TMEM45A: variants seen among roughly 807,000 people sequenced by gnomAD.
TMEM45A encodes DNA polymerase-transactivated protein 4.
A neutral mutation model predicts 32.0 loss-of-function variants in TMEM45A; 25 were observed. The observed-to-expected ratio is 0.78, with a 90% CI of 0.57 to 1.09. The LOEUF (loss-of-function observed/expected upper bound fraction) is 1.09. Ranked by LOEUF, TMEM45A falls within the 50% of genes least tolerant of loss-of-function variation. The probability of loss-of-function intolerance (pLI) is 0.00; values close to 1 mark genes in which losing one functional copy is unlikely to be tolerated. For synonymous variants in TMEM45A, 122 were observed against 114.8 expected (o/e 1.06, Z -0.40); for missense variants, 302 against 325.0 (o/e 0.93, Z 0.54).
chr3:100,501,998 A>G (rs989610616), intron 1 of TMEM45A, among the ~76,000 whole-genome samples: 2 of 152,194 alleles, frequency 1.3e-5, no homozygotes, highest in African/African-American at 4.8e-5. Context: ...GAATTTCTGA[A>G]CTTCAGACAA....
intron 2 of TMEM45A, 65 bp from the exon 3 acceptor site, chr3:100,556,695 C>T: frequency 1.4e-6 from 2 of 1,415,934 alleles, no homozygotes; most frequent in Non-Finnish European, 2.0e-6. Flanking sequence ...TGGACTAGTC[C>T]TCCTGCATCT....
rs138823452 is a variant in TMEM45A, at chr3:100,521,499, C to T, written c.-4+28571C>T. Among the ~76,000 whole-genome samples, 1,182 of 152,256 alleles carry T rather than the reference C, an allele frequency of 7.8e-3. 19 individuals are homozygous for T. Among genetic ancestry groups the T allele is most frequent in the African/African-American group, 0.027 (1,121 of 41,544 alleles). Reference sequence around the variant, plus strand: ...AGTTCCCGACCTCAGGTGATCTGCCCGCCTGGGCCTTCCAACGTGCTGGGA... The same window carrying T: ...AGTTCCCGACCTCAGGTGATCTGCCTGCCTGGGCCTTCCAACGTGCTGGGA... On this transcript the variant is annotated intron_variant, in intron 1 of 5. Transcript: ENST00000323523.
chr3:100,521,336 C>A (rs11708520), intron 1 of TMEM45A, among the ~76,000 whole-genome samples: 22,133 of 151,866 alleles, frequency 0.15, 2,061 homozygotes, highest in Middle Eastern at 0.22. Context: ...CTCACCGCAA[C>A]CTCTGCCTCC....
In TMEM45A at chr3:100,555,299, A is replaced by T. The variant is rs1225385571; in HGVS notation, c.88A>T (p.Ile30Phe). ...GTGTACAAAGAGTATTCTGAAGTAT[A>T]TCTGCAAAAAGCAAAAGCGAACCTG... ...WWCTKSILKY[I>F]CKKQKRTCYL... The change falls in exon 2 of 6, where the codon ATC becomes TTC. Residue 30 changes from isoleucine (I) to phenylalanine (F), a missense_variant. Ile to Phe is a conservative substitution (Grantham distance 21). Coordinates refer to ENST00000323523, the MANE Select transcript of TMEM45A (RefSeq NM_018004.3). 6.2e-7 allele frequency: 1 copy of T among 1,614,076 alleles called. No individual in the cohort carries two copies. Among genetic ancestry groups the T allele is most frequent in the East Asian group, 2.2e-5 (1 of 44,854 alleles).
At chr3:100,521,559 C>T (rs1025122296) in intron 1 of TMEM45A, among the ~76,000 whole-genome samples, 1 of 152,176 alleles carries the variant, frequency 6.6e-6, no homozygotes, top group South Asian at 2.1e-4. Flanking sequence ...GCCTCATTTC[C>T]TCTTTCTGAT....
At chr3:100,500,555 C>G (rs1298977932) in intron 1 of TMEM45A, among the ~76,000 whole-genome samples, 2 of 152,214 alleles carry the variant, frequency 1.3e-5, no homozygotes, top group East Asian at 3.9e-4. Context: ...CCAGTCTCGT[C>G]TGACTTTCAA....
intron 5 of TMEM45A, among the ~76,000 whole-genome samples, chr3:100,575,545 T>C (rs1338112242): frequency 6.6e-6 from 1 of 152,094 alleles, no homozygotes; most frequent in Non-Finnish European, 1.5e-5. Context: ...GCTAATTTTG[T>C]ATTTTTAGTA....
At chr3:100,558,940 T>C (rs1241023903) in intron 4 of TMEM45A, among the ~76,000 whole-genome samples, 2 of 152,206 alleles carry the variant, frequency 1.3e-5, no homozygotes, top group Non-Finnish European at 2.9e-5. Flanking sequence ...CTGTTATTTA[T>C]TGAGAAATAA....
At chr3:100,495,574 G>A (rs1007771477) in intron 1 of TMEM45A, among the ~76,000 whole-genome samples, 1 of 152,180 alleles carries the variant, frequency 6.6e-6, no homozygotes, top group African/African-American at 2.4e-5. Flanking sequence ...GAGATGGCAA[G>A]CCGAACTGTC....
intron 1 of TMEM45A, among the ~76,000 whole-genome samples, chr3:100,497,280 A>G (rs969209045): frequency 6.6e-6 from 1 of 152,216 alleles, no homozygotes; most frequent in Non-Finnish European, 1.5e-5. Context: ...AGCTTTTATT[A>G]TCTGTAAAAT....
chr3:100,572,084 G>A (rs1310707340), intron 5 of TMEM45A: 1 of 152,226 alleles, frequency 6.6e-6, no homozygotes, highest in Non-Finnish European at 1.5e-5. Context: ...CTTTATAGCA[G>A]CATGATTTAT....
chr3:100,576,576 C>T (rs9871124), intron 5 of TMEM45A, among the ~76,000 whole-genome samples: 2,871 of 151,500 alleles, frequency 0.019, 61 homozygotes, highest in African/African-American at 0.054. Flanking sequence ...GCCAAGATTG[C>T]GCCACTGCAC....
At chr3:100,504,594 T>A (rs1442703814) in intron 1 of TMEM45A, among the ~76,000 whole-genome samples, 4 of 152,246 alleles carry the variant, frequency 2.6e-5, no homozygotes, top group African/African-American at 9.6e-5. Context: ...CTGGGTCATC[T>A]GGCCCTGCCT....
chr3:100,526,863 A>C (rs1389539902), intron 1 of TMEM45A, among the ~76,000 whole-genome samples: 1 of 152,222 alleles, frequency 6.6e-6, no homozygotes, highest in Non-Finnish European at 1.5e-5. Flanking sequence ...AAGTAGAAGG[A>C]AGAATCTAGT....
chr3:100,555,770 T>C (rs1194287138), intron 2 of TMEM45A, among the ~76,000 whole-genome samples: 1 of 152,216 alleles, frequency 6.6e-6, no homozygotes, highest in Non-Finnish European at 1.5e-5. Flanking sequence ...CTCTCCATTA[T>C]AAAAGATAAA....
chr3:100,552,199 T>A (rs1156384018), intron 1 of TMEM45A, among the ~76,000 whole-genome samples: 2 of 152,162 alleles, frequency 1.3e-5, no homozygotes, highest in African/African-American at 2.4e-5. Context: ...CTTTCTTTTT[T>A]AATATACTAA....
intron 4 of TMEM45A, among the ~76,000 whole-genome samples, chr3:100,563,377 G>A (rs1394269582): frequency 2.0e-5 from 3 of 152,124 alleles, no homozygotes; most frequent in Non-Finnish European, 4.4e-5. Flanking sequence ...GAGATACTGG[G>A]AGTTAGGATT....
intron 1 of TMEM45A, among the ~76,000 whole-genome samples, chr3:100,533,560 C>T (rs1321514729): frequency 1.3e-5 from 2 of 152,130 alleles, no homozygotes; most frequent in African/African-American, 4.8e-5. Flanking sequence ...TCCCTTGGCA[C>T]ACTGGGGTGA....
intron 1 of TMEM45A, among the ~76,000 whole-genome samples, chr3:100,496,420 T>G (rs961118415): frequency 2.6e-4 from 40 of 152,326 alleles, no homozygotes; most frequent in African/African-American, 9.6e-4. Flanking sequence ...TTGCCCAAGA[T>G]TACACAGTGA....
Sources: allele counts gnomAD v4.1 joint callset (sites outside exome capture counted in the v4.1 genomes callset), GRCh38; gene constraint gnomAD v4.1.1; transcripts MANE v1.5; gene names NCBI Gene and HGNC (gene_info 2026-07-23, HGNC 2026-07-21).